Variants in AJAP1 observed in about 807,000 individuals in gnomAD.
The protein encoded by AJAP1 is adherens junction-associated protein 1.
In AJAP1, 5 loss-of-function variants were observed where a neutral mutation model predicts 35.0. The observed-to-expected ratio is 0.14, with a 90% confidence interval of 0.07 to 0.30. AJAP1 has a LOEUF of 0.30. Among genes scored for constraint, AJAP1 ranks in the 10% least tolerant of loss-of-function variants. The pLI is 1.00. For missense variants in AJAP1, 586 were observed against 571.0 expected (o/e 1.03, Z -0.27); for synonymous variants, 284 against 249.3 (o/e 1.14, Z -1.31).
At chr1:4,707,216 C>G (rs1640120753) in intron 1 of AJAP1, among the ~76,000 whole-genome samples, 1 of 152,294 alleles carries the variant, frequency 6.6e-6, no homozygotes, top group Admixed American at 6.5e-5. Flanking sequence ...ACGCCATGCA[C>G]TCCACATTGT....
In AJAP1 at chr1:4,658,513, C is replaced by A. The variant is rs567323385; in HGVS notation, c.29+3059C>A. Among the ~76,000 whole-genome samples the A allele has an allele frequency of 8.5e-5, 13 of 152,336 alleles. No individual in the cohort carries two copies. In the South Asian group the frequency reaches 2.7e-3, roughly 32 times the overall value. Reference sequence around the variant, plus strand: ...TGCGCTCCGGGTGAATCCTGGCTCGCGCCGATTTCCAGCTGCTGCTACTAA... The same window carrying A: ...TGCGCTCCGGGTGAATCCTGGCTCGAGCCGATTTCCAGCTGCTGCTACTAA... On this transcript the variant is annotated intron_variant, in intron 1 of 5. Coordinates refer to ENST00000378191, the MANE Select transcript of AJAP1 (RefSeq NM_018836.4).
intron 3 of AJAP1, 93 bp from the exon 4 acceptor site, chr1:4,772,187 T>A (rs1456456326): frequency 1.3e-6 from 2 of 1,539,614 alleles, no homozygotes; most frequent in African/African-American, 2.7e-5. Context: ...AGCTCACGCC[T>A]GCAAGCGAAA....
intron 2 of AJAP1, among the ~76,000 whole-genome samples, chr1:4,726,065 G>C (rs1169247325): frequency 3.3e-5 from 5 of 152,196 alleles, no homozygotes; most frequent in Non-Finnish European, 4.4e-5. Context: ...GAAGCAGAGG[G>C]CCCCAGGAGA....
At chr1:4,753,732 C>A (rs1641368482) in intron 2 of AJAP1, among the ~76,000 whole-genome samples, 2 of 152,132 alleles carry the variant, frequency 1.3e-5, no homozygotes, top group African/African-American at 4.8e-5. Flanking sequence ...ACCACCACGC[C>A]CAGCTAATTT....
At chr1:4,772,959 A>G (rs1030392325) in intron 4 of AJAP1, among the ~76,000 whole-genome samples, 3 of 152,196 alleles carry the variant, frequency 2.0e-5, no homozygotes, top group Non-Finnish European at 4.4e-5. Context: ...TAGCAAAAAT[A>G]TCAGATACCC....
chr1:4,763,021 AC>A (rs3835542), intron 2 of AJAP1, among the ~76,000 whole-genome samples: 2,483 of 152,238 alleles, frequency 0.016, 64 homozygotes, highest in South Asian at 0.12. Flanking sequence ...TTAAAAGGAA[AC>A]AACCAGGGAT....
At chr1:4,771,590 C>A (rs1048970089) in intron 3 of AJAP1, among the ~76,000 whole-genome samples, 2 of 152,170 alleles carry the variant, frequency 1.3e-5, no homozygotes, top group African/African-American at 4.8e-5. Context: ...ATTCTTGCTT[C>A]GTCGAGTCCC....
chr1:4,658,233 A>G (rs891393347), intron 1 of AJAP1, among the ~76,000 whole-genome samples: 2 of 152,162 alleles, frequency 1.3e-5, no homozygotes, highest in African/African-American at 2.4e-5. Flanking sequence ...TTCCCAGCCC[A>G]TGTCCCTGCG....
chr1:4,673,241 G>T (rs549006665), intron 1 of AJAP1, among the ~76,000 whole-genome samples: 2 of 152,322 alleles, frequency 1.3e-5, no homozygotes, highest in South Asian at 4.1e-4. Flanking sequence ...TTACACTCCT[G>T]TGTTTGGGGT....
intron 2 of AJAP1, among the ~76,000 whole-genome samples, chr1:4,730,173 T>G (rs1209149748): frequency 6.6e-6 from 1 of 152,212 alleles, no homozygotes; most frequent in African/African-American, 2.4e-5. Flanking sequence ...AATGGAAGTT[T>G]CCGGAAGATT....
At chr1:4,756,522 G>T (rs771940646) in intron 2 of AJAP1, among the ~76,000 whole-genome samples, 1 of 152,168 alleles carries the variant, frequency 6.6e-6, no homozygotes, top group Non-Finnish European at 1.5e-5. Context: ...AAATGTTTAC[G>T]GAGGGTCTAG....
intron 1 of AJAP1, among the ~76,000 whole-genome samples, chr1:4,680,260 G>T (rs545317165): frequency 6.6e-6 from 1 of 152,272 alleles, no homozygotes; most frequent in Admixed American, 6.5e-5. Context: ...TACACCCAGA[G>T]TAATCTTTGA....
At chr1:4,757,954 TC>T (rs33969697) in intron 2 of AJAP1, among the ~76,000 whole-genome samples, 105,941 of 151,948 alleles carry the variant, frequency 0.7, 37,738 homozygotes, top group Middle Eastern at 0.76. Context: ...CAGAATTTAA[TC>T]ATGGAAGTGA....
intron 1 of AJAP1, among the ~76,000 whole-genome samples, chr1:4,694,909 C>T (rs559357200): frequency 3.9e-5 from 6 of 152,180 alleles, no homozygotes; most frequent in South Asian, 4.2e-4. Flanking sequence ...GCTGAGTGGA[C>T]GGACACTGGA....
At chr1:4,745,987 A>G (rs987588897) in intron 2 of AJAP1, among the ~76,000 whole-genome samples, 5 of 152,216 alleles carry the variant, frequency 3.3e-5, no homozygotes, top group African/African-American at 1.2e-4. Context: ...AGTGAAGCCA[A>G]TGGCATTGGT....
intron 2 of AJAP1, among the ~76,000 whole-genome samples, chr1:4,753,985 C>T (rs577708943): frequency 6.6e-6 from 1 of 152,104 alleles, no homozygotes; most frequent in African/African-American, 2.4e-5. Context: ...GGTTCTGTCC[C>T]CTGGTGTGCC....
chr1:4,698,283 G>A (rs1266657486), intron 1 of AJAP1, among the ~76,000 whole-genome samples: 3 of 152,124 alleles, frequency 2.0e-5, no homozygotes, highest in Admixed American at 6.6e-5. Context: ...TGTCCCCTGA[G>A]AGCCTCTAGG....
chr1:4,654,997 G>GCGCCGGGAGACACGCAC lies in AJAP1; in HGVS notation c.-426_-410dup, dbSNP rs1638842763. 1 of 150,230 alleles carries GCGCCGGGAGACACGCAC rather than the reference G, an allele frequency of 6.7e-6. No individual in the cohort carries two copies. The highest frequency in any genetic ancestry group is 2.4e-5 in the African/African-American group (1 of 41,268). The allele number at this position is 150,230 out of a possible 1,614,324, so 9.3% of individuals were successfully genotyped here. A position where few individuals can be genotyped will look rare whatever the true frequency, so the allele number is the denominator to read the frequency against. ...AGCTCCGGCTGGAGGCAAGAGCCGC[G>GCGCCGGGAGACACGCAC]CGCCGGGAGACACGCACCGTGAGCG... On this transcript the variant is annotated 5_prime_UTR_variant, in exon 1 of 6. Coordinates refer to ENST00000378191, the MANE Select transcript of AJAP1 (RefSeq NM_018836.4). The surrounding 1 kb of genome is among the most constrained non-coding windows in gnomAD (Gnocchi z 5.1).
At chr1:4,776,025 A>AT (rs961817204) in intron 5 of AJAP1, among the ~76,000 whole-genome samples, 1 of 152,216 alleles carries the variant, frequency 6.6e-6, no homozygotes, top group African/African-American at 2.4e-5. Flanking sequence ...GATTTTTAAA[A>AT]TTTGTTAATG....
Sources: gnomAD v4.1 joint callset for allele counts (sites outside exome capture counted in the v4.1 genomes callset) on GRCh38, gnomAD v4.1.1 for gene constraint, Gnocchi (gnomAD v3.1) non-coding constraint, MANE v1.5 for transcripts, NCBI Gene and HGNC (gene_info 2026-07-23, HGNC 2026-07-21) for gene names.